Variants in HPS1 observed in about 807,000 individuals in gnomAD.
The protein encoded by HPS1 is BLOC-3 complex member HPS1.
A neutral mutation model predicts 90.6 loss-of-function variants in HPS1; 59 were observed. The ratio of observed to expected loss-of-function variants is 0.65; its 90% CI spans 0.53 to 0.81. The LOEUF (loss-of-function observed/expected upper bound fraction) is 0.81, where lower values mean the gene tolerates loss of function less well. HPS1 is among the 30% of genes least tolerant of loss of function. HPS1 has a pLI of 0.00. For synonymous variants in HPS1, 388 were observed against 384.4 expected, an observed-to-expected ratio of 1.01 and a Z score of -0.11; for missense variants, 849 against 896.7, an observed-to-expected ratio of 0.95 and a Z score of 0.68.
At chr10:98,430,425 G>A in intron 8 of HPS1, 146 bp downstream of exon 8, 4 of 708,240 alleles carry the variant, frequency 5.6e-6, no homozygotes, top group South Asian at 1.5e-5. Context: ...GAAAGCAGTG[G>A]GAAAGAAGTC....
chr10:98,425,529 C>T lies in HPS1; in HGVS notation c.1335+12G>A. 1 of 1,606,164 alleles carries T rather than the reference C, an allele frequency of 6.2e-7. No individual in the cohort carries two copies. Among genetic ancestry groups the T allele is most frequent in the Non-Finnish European group, 8.5e-7 (1 of 1,176,442 alleles). On this transcript the variant is annotated intron_variant, in intron 13 of 19. Transcript: ENST00000361490. ...CTTCCCCAGGTGGGGAGGACTGGAA[C>T]TTGGGTCTCACCTGAATCTCCTGTG...
chr10:98,432,938 A>G (rs1003754185), intron 6 of HPS1, among the ~76,000 whole-genome samples: 6 of 152,164 alleles, frequency 3.9e-5, no homozygotes, highest in African/African-American at 1.4e-4. Flanking sequence ...AATTTTTTAG[A>G]AATGGAAGTT....
intron 13 of HPS1, 113 bp from the exon 14 acceptor site, chr10:98,424,487 T>TG (rs1845337130): frequency 1.1e-6 from 1 of 924,624 alleles, no homozygotes; most frequent in Non-Finnish European, 1.7e-6. Context: ...CAGACAAATC[T>TG]GCCCTTCTGG....
At chr10:98,438,050 T>C (rs1207497815) in intron 3 of HPS1, among the ~76,000 whole-genome samples, 4 of 152,208 alleles carry the variant, frequency 2.6e-5, no homozygotes, top group Admixed American at 1.3e-4. Context: ...TGTTTCCCCT[T>C]TGCCTTCCAC....
intron 5 of HPS1, among the ~76,000 whole-genome samples, chr10:98,434,793 C>T (rs1253516462): frequency 6.6e-6 from 1 of 152,130 alleles, no homozygotes; most frequent in South Asian, 2.1e-4. Flanking sequence ...GATTCTCTTT[C>T]CCCAAGTTCT....
chr10:98,417,470 G>T lies in HPS1; in HGVS notation c.*94C>A. The T allele has an allele frequency of 8.6e-7, 1 of 1,160,994 alleles. No homozygotes were observed. Among genetic ancestry groups the T allele is most frequent in the Non-Finnish European group, 1.2e-6 (1 of 817,062 alleles). 71.9% of individuals were successfully genotyped at this position (1,160,994 alleles called of 1,614,324 possible). ...GGCACTCTGCCCTATCCTCAGGATG[G>T]CCACTGCAGACAGGAGGCTCTCGTC... On this transcript the variant is annotated 3_prime_UTR_variant, in exon 20 of 20. Coordinates refer to ENST00000361490, the MANE Select transcript of HPS1 (RefSeq NM_000195.5). This position sits in a 1 kb window ranked among gnomAD's most constrained non-coding sequence, Gnocchi z 4.2.
chr10:98,423,333 G>A (rs998705806), intron 16 of HPS1, among the ~76,000 whole-genome samples: 1 of 144,412 alleles, frequency 6.9e-6, no homozygotes, highest in African/African-American at 2.7e-5. Context: ...TTTGCCAGCT[G>A]GGCAACACTG....
At chr10:98,418,318 G>T in intron 18 of HPS1, 61 bp from the exon 19 acceptor site, 1 of 941,880 alleles carries the variant, frequency 1.1e-6, no homozygotes, top group Non-Finnish European at 1.6e-6. Flanking sequence ...TGAGTCAGAC[G>T]CACCGGGCTT....
intron 18 of HPS1, among the ~76,000 whole-genome samples, chr10:98,419,024 C>T (rs1844489139): frequency 6.6e-6 from 1 of 152,244 alleles, no homozygotes; most frequent in South Asian, 2.1e-4. Flanking sequence ...CACTTACAGC[C>T]TCGGTGGCCC....
chr10:98,432,919 G>T (rs1846692761), intron 6 of HPS1, among the ~76,000 whole-genome samples: 1 of 151,912 alleles, frequency 6.6e-6, no homozygotes, highest in South Asian at 2.1e-4. Flanking sequence ...ACAATAAACA[G>T]CACCTGGGAA....
chr10:98,445,591 C>T lies in HPS1; in HGVS notation c.-105-187G>A, dbSNP rs563607906. 6.6e-6 allele frequency among the ~76,000 whole-genome samples: 1 copy of T among 152,292 alleles called. No homozygotes were observed. The highest frequency in any genetic ancestry group is 1.5e-5 in the Non-Finnish European group (1 of 68,026). On this transcript the variant is annotated intron_variant, in intron 1 of 19. Coordinates refer to ENST00000361490, the MANE Select transcript of HPS1 (RefSeq NM_000195.5). This position sits in a 1 kb window ranked among gnomAD's most constrained non-coding sequence, Gnocchi z 4.5. ...CCTCCCATAATGGAGAATAGGAACCCGGCCAGCACAGCCCTTTGCACAGAG... is the reference window on the plus strand; with the variant it reads ...CCTCCCATAATGGAGAATAGGAACCTGGCCAGCACAGCCCTTTGCACAGAG...
intron 13 of HPS1, among the ~76,000 whole-genome samples, chr10:98,424,604 G>A (rs1203276967): frequency 3.9e-5 from 6 of 151,938 alleles, no homozygotes; most frequent in Admixed American, 2.0e-4. Context: ...CCAGGGGCTC[G>A]CTGTCTGACG....
chr10:98,443,219 T>G lies in HPS1; in HGVS notation c.22A>C (p.Thr8Pro), dbSNP rs752825492. 2 of 1,613,872 alleles carry G rather than the reference T, an allele frequency of 1.2e-6. No individual in the cohort carries two copies. Among genetic ancestry groups the G allele is most frequent in the African/African-American group, 2.7e-5 (2 of 74,886 alleles). Residue 8 changes from threonine (T) to proline (P), a missense_variant, in exon 3 of 20, where the codon ACT (threonine) becomes CCT (proline). By Grantham distance (38) the Thr-to-Pro change is conservative. Transcript: ENST00000361490. MKCVLVA[T>P]EGAEVLFYWT... is the part of the protein sequence containing the mutation. ...TAGAAGAGGACCTCTGCGCCCTCAG[T>G]GGCCACCAAGACGCACTTCATCTGC...
At chr10:98,442,236 C>A (rs1938558375) in intron 3 of HPS1, among the ~76,000 whole-genome samples, 1 of 152,164 alleles carries the variant, frequency 6.6e-6, no homozygotes, top group South Asian at 2.1e-4. Context: ...AAACTAAATC[C>A]AAGCACATAC....
Position 98,418,276 on chromosome 10 carries a change from GA to G in HPS1, c.1858-20del, listed in dbSNP as rs767744887. Reference sequence around the variant, plus strand: ...TGTACCCCTGAGGAGGGAGGACAGGGAGGCAGTGGGTGTGGGGGTAGTGCAA... The same window carrying G: ...TGTACCCCTGAGGAGGGAGGACAGGGGGCAGTGGGTGTGGGGGTAGTGCAA... On this transcript the variant is annotated intron_variant, in intron 18 of 19. Coordinates refer to ENST00000361490, the MANE Select transcript of HPS1 (RefSeq NM_000195.5). 2.6e-6 allele frequency: 4 copies of G among 1,522,184 alleles called. No homozygotes were observed. The highest frequency in any genetic ancestry group is 2.3e-5 in the South Asian group (2 of 86,270). 94.3% of individuals were successfully genotyped at this position (1,522,184 alleles called of 1,614,324 possible).
chr10:98,443,182 T>C lies in HPS1; in HGVS notation c.59A>G (p.Gln20Arg), dbSNP rs768274463. 7 of 1,614,000 alleles carry C rather than the reference T, an allele frequency of 4.3e-6. No homozygotes were observed. The highest frequency in any genetic ancestry group is 5.1e-6 in the Non-Finnish European group (6 of 1,180,010). The change falls in exon 3 of 20, where the codon CAG becomes CGG. Residue 20 changes from glutamine (Q) to arginine (R), a missense_variant. Gln to Arg is a conservative substitution (Grantham distance 43). Coordinates refer to ENST00000361490, the MANE Select transcript of HPS1 (RefSeq NM_000195.5). ...GAEVLFYWTD[Q>R]EFEESLRLKF... is the part of the protein sequence containing the mutation. ...CAGCCGGAGACTCTCTTCAAACTCC[T>C]GATCTGTCCAGTAGAAGAGGACCTC...
Position 98,418,230 on chromosome 10 carries a change from G to A in HPS1, c.1885C>T (p.Pro629Ser), listed in dbSNP as rs765222119. ...GGCACTGAGTCGTCGGAGAGGACGGGCACCTCGATCATCTGGAGTTTGTAC... is the reference window on the plus strand; with the variant it reads ...GGCACTGAGTCGTCGGAGAGGACGGACACCTCGATCATCTGGAGTTTGTAC... ...MGYKLQMIEVPVLSDDSVPIG... is the reference protein window; with the variant it reads ...MGYKLQMIEVSVLSDDSVPIG... The change falls in exon 19 of 20, where the codon CCC becomes TCC. Residue 629 changes from proline (P) to serine (S), a missense_variant. Transcript: ENST00000361490. The A allele has an allele frequency of 3.7e-6, 6 of 1,609,864 alleles. No individual in the cohort carries two copies. The South Asian group carries it at 6.6e-5, about 18-fold the overall frequency.
chr10:98,426,894 C>T (rs1385077828), intron 11 of HPS1, among the ~76,000 whole-genome samples: 2 of 151,844 alleles, frequency 1.3e-5, no homozygotes, highest in South Asian at 2.1e-4. Context: ...TTGTATTTCC[C>T]GATTTTTCTA....
chr10:98,422,885 C>T (rs1272949658), intron 16 of HPS1, among the ~76,000 whole-genome samples: 4 of 152,206 alleles, frequency 2.6e-5, no homozygotes, highest in Non-Finnish European at 5.9e-5. Flanking sequence ...GCCTATGCAC[C>T]TCACTGTGAT....
Sources: gnomAD v4.1 joint callset for allele counts (sites outside exome capture counted in the v4.1 genomes callset) on GRCh38, gnomAD v4.1.1 for gene constraint, Gnocchi (gnomAD v3.1) non-coding constraint, MANE v1.5 for transcripts, NCBI Gene and HGNC (gene_info 2026-07-23, HGNC 2026-07-21) for gene names.